DDX42: variants seen among roughly 807,000 people sequenced by gnomAD.
DDX42 encodes ATP-dependent RNA helicase DDX42.
A neutral mutation model predicts 101.5 loss-of-function variants in DDX42; 22 were observed. The ratio of observed to expected loss-of-function variants is 0.22; its 90% confidence interval spans 0.15 to 0.31. DDX42 has a LOEUF of 0.31. Ranked by LOEUF, DDX42 falls within the 10% of genes least tolerant of loss-of-function variation. DDX42 has a pLI of 1.00. For synonymous variants in DDX42, 402 were observed against 401.2 expected (o/e 1.00, Z -0.02); for missense variants, 849 against 1,199.9 (o/e 0.71, Z 4.32).
In DDX42 at chr17:63,789,698, T is replaced by A. The variant is rs1467021245; in HGVS notation, c.221+2428T>A. On this transcript the variant is annotated intron_variant, in intron 2 of 17. Transcript: ENST00000389924. ...AAGCAATTCTCCTGTCTCAGCCTCC[T>A]TAGTAGCTGGGATTACAGACATGTG... Among the ~76,000 whole-genome samples, 3 of 150,708 alleles carry A rather than the reference T, an allele frequency of 2.0e-5. No homozygotes were observed. In the East Asian group the frequency reaches 6.0e-4, roughly 30 times the overall value.
At position 63,798,022 on chromosome 17, in the gene DDX42, C is replaced by T. The variant is rs1279283680; in HGVS notation, c.373-16C>T. 3 of 1,605,282 alleles carry T rather than the reference C, an allele frequency of 1.9e-6. No individual in the cohort carries two copies. The highest frequency in any genetic ancestry group is 1.7e-5 in the Admixed American group (1 of 58,300). ...TTTTAGTTGATGTCATTCTATACAG[C>T]CTTTTGTTTCATTAGGATCAGGCAG... is the stretch of plus-strand genomic sequence containing the variant. On this transcript the variant is annotated splice_polypyrimidine_tract_variant and intron_variant, in intron 3 of 17. Transcript: ENST00000389924.
chr17:63,815,846 T>G (rs187686076), intron 16 of DDX42, 173 bp downstream of exon 16: 1 of 371,098 alleles, frequency 2.7e-6, no homozygotes, highest in Admixed American at 4.7e-5. Flanking sequence ...ATGGTAACTT[T>G]CTATTGAAGA....
At chr17:63,806,476 C>T in intron 7 of DDX42, 59 bp from the exon 8 acceptor site, 1 of 1,530,470 alleles carries the variant, frequency 6.5e-7, no homozygotes, top group South Asian at 1.3e-5. Flanking sequence ...TATTGTTGAA[C>T]TTCAAATGCT....
intron 2 of DDX42, among the ~76,000 whole-genome samples, chr17:63,790,700 C>T (rs2144544872): frequency 6.6e-6 from 1 of 152,312 alleles, no homozygotes; most frequent in African/African-American, 2.4e-5. Flanking sequence ...GCAGAGGCTG[C>T]ACTGAGTTGA....
intron 1 of DDX42, among the ~76,000 whole-genome samples, chr17:63,777,182 T>C (rs964603852): frequency 6.6e-6 from 1 of 152,198 alleles, no homozygotes; most frequent in African/African-American, 2.4e-5. Flanking sequence ...GGGCGAGGAT[T>C]ACAGGTGTGA....
intron 1 of DDX42, chr17:63,776,200 CAT>C (rs1021971692): frequency 6.6e-6 from 1 of 152,232 alleles, no homozygotes; most frequent in African/African-American, 2.4e-5. Context: ...TCATTTAGAT[CAT>C]ATCTTATTTT....
At chr17:63,792,377 G>A (rs1479941164) in intron 2 of DDX42, 35 bp from the exon 3 acceptor site, 1 of 1,599,030 alleles carries the variant, frequency 6.3e-7, no homozygotes, top group Non-Finnish European at 8.5e-7. Context: ...CCCAAAGTAA[G>A]CATTCACTTT....
intron 6 of DDX42, among the ~76,000 whole-genome samples, chr17:63,801,780 A>G (rs1206390186): frequency 6.6e-6 from 1 of 151,984 alleles, no homozygotes; most frequent in Admixed American, 6.6e-5. Flanking sequence ...ATTGCTATAA[A>G]TTTTTACTGT....
intron 1 of DDX42, among the ~76,000 whole-genome samples, chr17:63,783,295 G>GA (rs1178606391): frequency 2.6e-5 from 4 of 152,132 alleles, no homozygotes; most frequent in Non-Finnish European, 4.4e-5. Context: ...GTAAACCATT[G>GA]AAAGTTTTCC....
At chr17:63,782,827 CG>C (rs2099625075) in intron 1 of DDX42, among the ~76,000 whole-genome samples, 1 of 152,158 alleles carries the variant, frequency 6.6e-6, no homozygotes, top group Non-Finnish European at 1.5e-5. Context: ...GTAAAATTAA[CG>C]ATTCTTTGTA....
In DDX42 at chr17:63,817,846, C is replaced by G. The variant is rs772893311; in HGVS notation, c.2265C>G (p.Pro755=). 1.2e-6 allele frequency: 2 copies of G among 1,614,058 alleles called. No homozygotes were observed. Among genetic ancestry groups the G allele is most frequent in the African/African-American group, 2.7e-5 (2 of 74,904 alleles). Residue 755 remains proline, a synonymous_variant, in exon 18 of 18, where the codon CCC becomes CCG. Transcript: ENST00000389924. ...AQQGHNSPDS[P]VTSAAKGIPG... Reference sequence around the variant, plus strand: ...AGGGCCATAACAGTCCTGACAGCCCCGTCACCAGTGCCGCCAAGGGCATCC... The same window carrying G: ...AGGGCCATAACAGTCCTGACAGCCCGGTCACCAGTGCCGCCAAGGGCATCC...
intron 8 of DDX42, 69 bp from the exon 9 acceptor site, chr17:63,807,655 C>G: frequency 1.4e-6 from 2 of 1,419,096 alleles, no homozygotes; most frequent in Non-Finnish European, 1.9e-6. Context: ...TTTATCATTC[C>G]CCAGGATTTG....
intron 1 of DDX42, chr17:63,775,177 A>T (rs1667047718): frequency 6.6e-6 from 1 of 152,642 alleles, no homozygotes; most frequent in South Asian, 2.1e-4. Flanking sequence ...GGCACATAAG[A>T]GGTGAGCAAT....
At chr17:63,814,676 T>A (rs1198144629) in intron 15 of DDX42, among the ~76,000 whole-genome samples, 1 of 25,556 alleles carries the variant, frequency 3.9e-5, no homozygotes, top group African/African-American at 1.6e-4. Flanking sequence ...AGACATTTGC[T>A]TTTTTTTTTT....
At position 63,787,017 on chromosome 17, in the gene DDX42, T is replaced by C. The variant is rs745410301; in HGVS notation, c.-16-17T>C. ...TTTTTAAGTTTAATTTATATTTGTG[T>C]ATCTTATTCCTAACAGGTCAGTCAT... On this transcript the variant is annotated splice_polypyrimidine_tract_variant and intron_variant, in intron 1 of 17. Coordinates refer to ENST00000389924, the MANE Select transcript of DDX42 (RefSeq NM_203499.3). The C allele has an allele frequency of 5.0e-6, 8 of 1,611,202 alleles. No individual in the cohort carries two copies. The South Asian group carries it at 8.8e-5, about 18-fold the overall frequency.
Position 63,812,106 on chromosome 17 carries a change from C to G in DDX42, c.1573C>G (p.Leu525Val), listed in dbSNP as rs757922312. The G allele has an allele frequency of 7.6e-5, 123 of 1,614,106 alleles. No individual in the cohort carries two copies. In the Admixed American group the frequency reaches 2.0e-3, roughly 27 times the overall value. ...TAACCTTAAACAGGAGGGTCATAAT[C>G]TTGGGCTGCTCCATGGGGATATGGA... ...ANNLKQEGHNLGLLHGDMDQS... is the reference protein window; with the variant it reads ...ANNLKQEGHNVGLLHGDMDQS... Residue 525 changes from leucine (L) to valine (V), a missense_variant, in exon 14 of 18, where the codon CTT (leucine) becomes GTT (valine). By Grantham distance (32) the Leu-to-Val change is conservative. Transcript: ENST00000389924.
intron 1 of DDX42, among the ~76,000 whole-genome samples, chr17:63,781,211 T>A (rs1223103105): frequency 2.6e-5 from 4 of 152,138 alleles, no homozygotes; most frequent in Middle Eastern, 6.8e-3. Flanking sequence ...CAGAAGAATT[T>A]TAGTTCTTTT....
intron 6 of DDX42, among the ~76,000 whole-genome samples, chr17:63,802,500 G>A (rs537419907): frequency 3.3e-5 from 5 of 152,316 alleles, no homozygotes; most frequent in Admixed American, 3.3e-4. Context: ...AGACGCAATG[G>A]CTCACGCCTG....
intron 6 of DDX42, among the ~76,000 whole-genome samples, chr17:63,803,890 T>C (rs905773903): frequency 4.6e-5 from 7 of 152,002 alleles, no homozygotes; most frequent in Non-Finnish European, 1.0e-4. Flanking sequence ...CCTCAAGTGA[T>C]CCATCGGCCT....
Sources: gnomAD v4.1 joint callset for allele counts (sites outside exome capture counted in the v4.1 genomes callset) on GRCh38, gnomAD v4.1.1 for gene constraint, MANE v1.5 for transcripts, NCBI Gene and HGNC (gene_info 2026-07-23, HGNC 2026-07-21) for gene names.